The following NRDE2 variants were observed in gnomAD, a reference collection of about 807,000 sequenced individuals.
NRDE2 encodes the protein NRDE-2, necessary for RNA interference, domain containing.
Under a neutral mutation model 124.2 loss-of-function variants are expected in NRDE2, and 76 were observed. That is an observed-to-expected ratio of 0.61 (90% CI 0.51 to 0.74). The LOEUF is 0.74. NRDE2 is among the 30% of genes least tolerant of loss of function. The pLI is 0.00. For missense variants in NRDE2, 1,314 were observed against 1,417.3 expected (o/e 0.93, Z 1.17); for synonymous variants, 489 against 528.1 (o/e 0.93, Z 1.01).
intron 6 of NRDE2, 89 bp downstream of exon 6, chr14:90,302,631 G>T: frequency 7.6e-7 from 1 of 1,310,248 alleles, no homozygotes; most frequent in Non-Finnish European, 1.0e-6. Flanking sequence ...ACTTTTTCTA[G>T]AATAAATCAA....
chr14:90,278,380 C>G lies in NRDE2; in HGVS notation c.3451G>C (p.Val1151Leu). 1.9e-6 allele frequency: 3 copies of G among 1,614,126 alleles called. No individual in the cohort carries two copies. Among genetic ancestry groups the G allele is most frequent in the Non-Finnish European group, 2.5e-6 (3 of 1,180,030 alleles). ...TCCAGCTCCTCCAGCGGCAGGCGCACCCGGAGCTCCTTCTCAGTCATCAGG... is the reference window on the plus strand; with the variant it reads ...TCCAGCTCCTCCAGCGGCAGGCGCAGCCGGAGCTCCTTCTCAGTCATCAGG... ...LDLMTEKELR[V>L]RLPLEELELL... Residue 1151 changes from valine (V) to leucine (L), a missense_variant, in exon 14 of 14, where the codon GTG becomes CTG. Val to Leu is a conservative substitution (Grantham distance 32). Transcript: ENST00000354366.
chr14:90,304,388 ATT>A lies in NRDE2; in HGVS notation c.558-8_558-7del. On this transcript the variant is annotated splice_region_variant and splice_polypyrimidine_tract_variant and intron_variant, in intron 4 of 13. Coordinates refer to ENST00000354366, the MANE Select transcript of NRDE2 (RefSeq NM_017970.4). ...AGTCTCCTTTCCTCTTGTATCTGAT[ATT>A]AGAAAAAGAAAAAAAGTTACTGAGG... 1 of 1,576,998 alleles carries A rather than the reference ATT, an allele frequency of 6.3e-7. No individual in the cohort carries two copies. Among genetic ancestry groups the A allele is most frequent in the Non-Finnish European group, 8.6e-7 (1 of 1,165,004 alleles).
intron 12 of NRDE2, chr14:90,280,359 C>T (rs1891920387): frequency 6.6e-6 from 1 of 152,210 alleles, no homozygotes; most frequent in Non-Finnish European, 1.5e-5. Context: ...TCGGAGGACT[C>T]CTGCGTGTCC....
Position 90,329,883 on chromosome 14 carries a change from T to C in NRDE2, c.64+1958A>G, listed in dbSNP as rs1356383069. Among the ~76,000 whole-genome samples, 3 of 145,722 alleles carry C rather than the reference T, an allele frequency of 2.1e-5. No homozygotes were observed. In the Admixed American group the frequency reaches 2.1e-4, roughly 10 times the overall value. On this transcript the variant is annotated intron_variant, in intron 1 of 13. Coordinates refer to ENST00000354366, the MANE Select transcript of NRDE2 (RefSeq NM_017970.4). Reference sequence around the variant, plus strand: ...AAAGAAAAAAATATTAGTTCCTACATAAAGCCTTCTTTGAACCTTCTATTA... The same window carrying C: ...AAAGAAAAAAATATTAGTTCCTACACAAAGCCTTCTTTGAACCTTCTATTA...
chr14:90,294,181 A>G (rs1444330664), intron 8 of NRDE2, among the ~76,000 whole-genome samples: 1 of 152,112 alleles, frequency 6.6e-6, no homozygotes, highest in East Asian at 1.9e-4. Context: ...TAAGTTAAAA[A>G]AGCCAATCTC....
chr14:90,292,897 C>T (rs1190945765), intron 8 of NRDE2, 25 bp from the exon 9 acceptor site: 3 of 1,598,846 alleles, frequency 1.9e-6, no homozygotes, highest in Non-Finnish European at 1.7e-6. Flanking sequence ...GACTTCTTCA[C>T]CTCATCAGCA....
intron 1 of NRDE2, among the ~76,000 whole-genome samples, chr14:90,320,465 C>T (rs1342930584): frequency 1.3e-5 from 2 of 152,224 alleles, no homozygotes; most frequent in African/African-American, 2.4e-5. Context: ...ACCAGTTCCT[C>T]CCTTGACACA....
At position 90,312,406 on chromosome 14, in the gene NRDE2, C is replaced by T. The variant is rs140561979; in HGVS notation, c.545G>A (p.Gly182Glu). The T allele has an allele frequency of 6.2e-7, 1 of 1,613,782 alleles. No individual in the cohort carries two copies. Among genetic ancestry groups the T allele is most frequent in the Non-Finnish European group, 8.5e-7 (1 of 1,179,926 alleles). The change falls in exon 4 of 14, where the codon GGG (glycine) becomes GAG (glutamate). Residue 182 changes from glycine to glutamate, a missense_variant. Gly to Glu is a moderately conservative substitution (Grantham distance 98). Coordinates refer to ENST00000354366, the MANE Select transcript of NRDE2 (RefSeq NM_017970.4). ...ANWEYKSLYR[G>E]DIARYKRKGD... Reference sequence around the variant, plus strand: ...ACAAGGTGACTACCTTGCTATATCCCCTCGGTAGAGAGACTTGTACTCCCA... The same window carrying T: ...ACAAGGTGACTACCTTGCTATATCCTCTCGGTAGAGAGACTTGTACTCCCA...
intron 3 of NRDE2, among the ~76,000 whole-genome samples, chr14:90,314,593 T>G (rs1884971951): frequency 6.6e-6 from 1 of 152,188 alleles, no homozygotes; most frequent in Admixed American, 6.5e-5. Flanking sequence ...TAAAACTCAT[T>G]TTCCCCAGCT....
In NRDE2 at chr14:90,288,519, C is replaced by T. The variant is rs770977338; in HGVS notation, c.2856G>A (p.Gln952=). 7 of 1,614,032 alleles carry T rather than the reference C, an allele frequency of 4.3e-6. No individual in the cohort carries two copies. The South Asian group carries it at 4.4e-5, about 10-fold the overall frequency. The change falls in exon 11 of 14, where the codon CAG becomes CAA. Residue 952 remains glutamine (Q), a synonymous_variant. Transcript: ENST00000354366. ...TGGCTTCGAGAACACTGGTCCAACTCTGGGAGCTGGCACTGTCCCCCTCGC... is the reference window on the plus strand; with the variant it reads ...TGGCTTCGAGAACACTGGTCCAACTTTGGGAGCTGGCACTGTCCCCCTCGC... ...GSGEGDSASS[Q]SWTSVLEAIT...
At chr14:90,329,318 C>A (rs1015120332) in intron 1 of NRDE2, among the ~76,000 whole-genome samples, 1 of 152,224 alleles carries the variant, frequency 6.6e-6, no homozygotes, top group Admixed American at 6.5e-5. Context: ...GCAGTTCTCA[C>A]ACTTTTCTTC....
chr14:90,328,540 T>C (rs1885542638), intron 1 of NRDE2, among the ~76,000 whole-genome samples: 2 of 152,178 alleles, frequency 1.3e-5, no homozygotes, highest in Non-Finnish European at 2.9e-5. Flanking sequence ...CTGCTTCATA[T>C]GGGATGAAAC....
intron 11 of NRDE2, among the ~76,000 whole-genome samples, chr14:90,287,877 C>T (rs1390896275): frequency 6.6e-6 from 1 of 152,128 alleles, no homozygotes; most frequent in African/African-American, 2.4e-5. Flanking sequence ...CAGAAAGCTG[C>T]CACCTGGCCC....
In NRDE2 at chr14:90,271,487, G is replaced by C. The variant is rs773286906; in HGVS notation, c.*6849C>G. ...TAATTACTGAGAAATTAAATATATT[G>C]GAATAAATGCTATACTCTGTAGTAT... On this transcript the variant is annotated 3_prime_UTR_variant, in exon 14 of 14. Transcript: ENST00000354366. The C allele has an allele frequency of 3.9e-5, 6 of 151,916 alleles. No homozygotes were observed. Among genetic ancestry groups the C allele is most frequent in the Non-Finnish European group, 8.8e-5 (6 of 67,988 alleles). The allele number at this position is 151,916 out of a possible 1,614,324, so 9.4% of individuals were successfully genotyped here.
chr14:90,327,944 C>T (rs1042405593), intron 1 of NRDE2, among the ~76,000 whole-genome samples: 1 of 152,052 alleles, frequency 6.6e-6, no homozygotes, highest in Non-Finnish European at 1.5e-5. Context: ...GAGATTGAGA[C>T]CACTCTGGCT....
intron 3 of NRDE2, among the ~76,000 whole-genome samples, chr14:90,315,971 A>AC (rs1885031274): frequency 1.3e-5 from 2 of 151,540 alleles, no homozygotes; most frequent in African/African-American, 4.8e-5. Context: ...AAAAAAAAAA[A>AC]AAAAAAAAGA....
chr14:90,299,703 T>A (rs1884322766), intron 7 of NRDE2, among the ~76,000 whole-genome samples: 2 of 152,080 alleles, frequency 1.3e-5, no homozygotes, highest in Non-Finnish European at 2.9e-5. Flanking sequence ...AGGGCAAACG[T>A]CCTGACACGT....
rs1891780929 is a variant in NRDE2 at position 90,275,344 on chromosome 14, G to A, written c.*2992C>T. The stretch of plus-strand genomic sequence containing the variant: ...GGCGGGTAGCAGACTCTCAGCAACT[G>A]ACTCACACGGTTCAGGAAACAAAAT... On this transcript the variant is annotated 3_prime_UTR_variant, in exon 14 of 14. Transcript: ENST00000354366. 6.6e-6 allele frequency: 1 copy of A among 152,072 alleles called. No individual in the cohort carries two copies. Among genetic ancestry groups the A allele is most frequent in the South Asian group, 2.1e-4 (1 of 4,814 alleles). 9.4% of individuals were successfully genotyped at this position (152,072 alleles called of 1,614,324 possible).
In NRDE2 at chr14:90,270,681, A is replaced by G. The variant is rs1224998032; in HGVS notation, c.*7655T>C. ...TCAGGGGAAGGGTATGTCCTGGGAG[A>G]ACTCTCCCCAGAGCCGCAGAGTGGG... On this transcript the variant is annotated 3_prime_UTR_variant, in exon 14 of 14. Coordinates refer to ENST00000354366, the MANE Select transcript of NRDE2 (RefSeq NM_017970.4). 18 of 203,646 alleles carry G rather than the reference A, an allele frequency of 8.8e-5. No individual in the cohort carries two copies. Among genetic ancestry groups the G allele is most frequent in the Non-Finnish European group, 2.0e-5 (2 of 101,784 alleles). 12.6% of individuals were successfully genotyped at this position (203,646 alleles called of 1,614,324 possible).
Sources: gnomAD v4.1 joint callset for allele counts (sites outside exome capture counted in the v4.1 genomes callset) on GRCh38, gnomAD v4.1.1 for gene constraint, MANE v1.5 for transcripts, NCBI Gene and HGNC (gene_info 2026-07-23, HGNC 2026-07-21) for gene names.